Variants in NLGN1 observed in about 807,000 individuals in gnomAD.
The protein encoded by NLGN1 is neuroligin-1.
In NLGN1, 12 loss-of-function variants were observed where a neutral mutation model predicts 65.5. The ratio of observed to expected loss-of-function variants is 0.18; its 90% CI spans 0.12 to 0.30. The LOEUF is 0.30. Ranked by LOEUF, NLGN1 falls within the 10% of genes least tolerant of loss-of-function variation. NLGN1 has a pLI of 1.00. For missense variants in NLGN1, 750 were observed against 1,007.1 expected (o/e 0.74, Z 3.46); for synonymous variants, 350 against 359.5 (o/e 0.97, Z 0.30).
intron 4 of NLGN1, among the ~76,000 whole-genome samples, chr3:173,967,573 A>G (rs1255586641): frequency 1.3e-5 from 2 of 152,164 alleles, no homozygotes; most frequent in African/African-American, 4.8e-5. Flanking sequence ...TTTTCACATT[A>G]CTATATAATT....
At chr3:173,933,202 T>C (rs1229838987) in intron 4 of NLGN1, among the ~76,000 whole-genome samples, 2 of 152,068 alleles carry the variant, frequency 1.3e-5, no homozygotes, top group African/African-American at 4.8e-5. Flanking sequence ...AAACAAACTA[T>C]TCAGAAGGGC....
chr3:173,940,085 T>TTTTTTTTTTG (rs1745774372), intron 4 of NLGN1, among the ~76,000 whole-genome samples: 1 of 131,886 alleles, frequency 7.6e-6, no homozygotes, highest in South Asian at 2.7e-4. Context: ...TATAGCTTTT[T>TTTTTTTTTTG]TTTTTTTTTT....
chr3:174,081,559 G>A (rs1295278247), intron 4 of NLGN1, among the ~76,000 whole-genome samples: 1 of 149,202 alleles, frequency 6.7e-6, no homozygotes, highest in African/African-American at 2.5e-5. Context: ...CCCCTTACAT[G>A]TCCCACTTCC....
chr3:174,158,931 C>T (rs1267493911), intron 4 of NLGN1, among the ~76,000 whole-genome samples: 1 of 151,624 alleles, frequency 6.6e-6, no homozygotes, highest in Non-Finnish European at 1.5e-5. Flanking sequence ...CTTACTACTA[C>T]TGAGTGCACT....
chr3:173,723,077 G>C (rs1771128863), intron 3 of NLGN1, among the ~76,000 whole-genome samples: 1 of 152,152 alleles, frequency 6.6e-6, no homozygotes, highest in African/African-American at 2.4e-5. Context: ...ATGAACTGCA[G>C]AGGCAAAGGC....
rs1327610699 is a variant in NLGN1 at position 174,066,558 on chromosome 3, C to CTGTGTGTG, written c.647-208756_647-208755insGTGTGTGT. ...TCTCTCTCTCTCTCTCTCTCTCTCT[C>CTGTGTGTG]TCTCTCTGTGTGTGTGTGTGTGTGT... On this transcript the variant is annotated intron_variant, in intron 4 of 6. Transcript: ENST00000457714. Among the ~76,000 whole-genome samples, 763 of 133,958 alleles carry CTGTGTGTG rather than the reference C, an allele frequency of 5.7e-3. 6 individuals are homozygous for CTGTGTGTG. The highest frequency in any genetic ancestry group is 0.022 in the African/African-American group (721 of 32,146). 87.9% of individuals were successfully genotyped at this position (133,958 alleles called of 152,430 possible).
intron 4 of NLGN1, among the ~76,000 whole-genome samples, chr3:173,823,619 A>G (rs531161938): frequency 2.6e-5 from 4 of 152,096 alleles, no homozygotes; most frequent in Non-Finnish European, 5.9e-5. Context: ...ATCAACTAAA[A>G]TTAAATAAAG....
chr3:174,155,808 T>C (rs1725341363), intron 4 of NLGN1, among the ~76,000 whole-genome samples: 1 of 151,950 alleles, frequency 6.6e-6, no homozygotes, highest in Non-Finnish European at 1.5e-5. Flanking sequence ...TTTTTTGTAA[T>C]TTTAAAAAAT....
At chr3:173,857,428 T>A (rs1193622038) in intron 4 of NLGN1, among the ~76,000 whole-genome samples, 2 of 152,072 alleles carry the variant, frequency 1.3e-5, no homozygotes, top group African/African-American at 4.8e-5. Flanking sequence ...ACCTTTGAGG[T>A]GTTATCACTT....
At chr3:173,834,875 GAT>G (rs1392167428) in intron 4 of NLGN1, among the ~76,000 whole-genome samples, 1 of 152,114 alleles carries the variant, frequency 6.6e-6, no homozygotes, top group East Asian at 1.9e-4. Context: ...CTCAACAGGG[GAT>G]ATAACAGAGG....
intron 3 of NLGN1, among the ~76,000 whole-genome samples, chr3:173,616,842 C>A (rs910956566): frequency 1.3e-5 from 2 of 152,160 alleles, no homozygotes; most frequent in Admixed American, 1.3e-4. Flanking sequence ...AGTCTGAAAT[C>A]AAATTATATC....
intron 2 of NLGN1, among the ~76,000 whole-genome samples, chr3:173,513,441 G>A (rs2149103853): frequency 6.6e-6 from 1 of 152,190 alleles, no homozygotes; most frequent in South Asian, 2.1e-4. Context: ...TTATACTCAT[G>A]GATTTCTGCT....
intron 3 of NLGN1, among the ~76,000 whole-genome samples, chr3:173,743,818 T>C (rs115040207): frequency 8.3e-4 from 126 of 152,210 alleles, no homozygotes; most frequent in African/African-American, 2.9e-3. Context: ...ATATAATTGC[T>C]TTAACTGCCT....
intron 4 of NLGN1, among the ~76,000 whole-genome samples, chr3:173,866,401 G>A (rs772494271): frequency 4.6e-5 from 7 of 152,018 alleles, no homozygotes; most frequent in African/African-American, 1.7e-4. Context: ...CTTTTCCTGC[G>A]TTATTTATTA....
rs572910108 is a variant in NLGN1, at chr3:173,697,782, G to A, written c.493+92691G>A. On this transcript the variant is annotated intron_variant, in intron 3 of 6. Transcript: ENST00000457714. The stretch of plus-strand genomic sequence containing the variant: ...TGACCTCAGGTGATCCACCCGCCTC[G>A]GCCTCCCAAAGTACTGGGATTACAG... 1.9e-4 allele frequency among the ~76,000 whole-genome samples: 29 copies of A among 152,146 alleles called. No individual in the cohort carries two copies. In the South Asian group the frequency reaches 3.7e-3, roughly 20 times the overall value.
At chr3:173,710,442 A>C (rs756655220) in intron 3 of NLGN1, among the ~76,000 whole-genome samples, 1 of 152,148 alleles carries the variant, frequency 6.6e-6, no homozygotes, top group Non-Finnish European at 1.5e-5. Flanking sequence ...TCAGCATTTA[A>C]ATATCTAAAA....
chr3:174,279,640 G>C lies in NLGN1; in HGVS notation c.1639G>C (p.Ala547Pro). Residue 547 changes from alanine to proline, a missense_variant, in exon 6 of 7, where the codon GCT becomes CCT. Transcript: ENST00000457714. The surrounding 1 kb of genome is among the most constrained non-coding windows in gnomAD (Gnocchi z 4.7). ...TGTAATGACATACTGGACAAATTTT[G>C]CTAAAACTGGGTATGTACCTAAGGA... 6.2e-7 allele frequency: 1 copy of C among 1,600,322 alleles called. No individual in the cohort carries two copies. Among genetic ancestry groups the C allele is most frequent in the Non-Finnish European group, 8.5e-7 (1 of 1,170,724 alleles).
chr3:174,223,625 T>C (rs1224922158), intron 4 of NLGN1, among the ~76,000 whole-genome samples: 1 of 152,202 alleles, frequency 6.6e-6, no homozygotes, highest in Non-Finnish European at 1.5e-5. Context: ...TCTAAATGTG[T>C]ATCCTAGATC....
At chr3:173,427,918 C>T (rs1251188891) in intron 1 of NLGN1, among the ~76,000 whole-genome samples, 1 of 150,540 alleles carries the variant, frequency 6.6e-6, no homozygotes, top group Non-Finnish European at 1.5e-5. Flanking sequence ...CTAATGTCTC[C>T]TATTATTACT....
Sources: gnomAD v4.1 joint callset for allele counts (sites outside exome capture counted in the v4.1 genomes callset) on GRCh38, gnomAD v4.1.1 for gene constraint, Gnocchi (gnomAD v3.1) non-coding constraint, MANE v1.5 for transcripts, NCBI Gene and HGNC (gene_info 2026-07-23, HGNC 2026-07-21) for gene names.